LRRC7: variants seen among roughly 807,000 people sequenced by gnomAD.
The protein encoded by LRRC7 is leucine-rich repeat-containing protein 7.
A neutral mutation model predicts 175.7 loss-of-function variants in LRRC7; 23 were observed. The ratio of observed to expected loss-of-function variants is 0.13; its 90% CI spans 0.09 to 0.19. The LOEUF is 0.19. Ranked by LOEUF, LRRC7 falls within the 10% of genes least tolerant of loss-of-function variation. The probability of loss-of-function intolerance (pLI) is 1.00; values close to 1 mark genes in which losing one functional copy is unlikely to be tolerated. For synonymous variants in LRRC7, 685 were observed against 680.9 expected (o/e 1.01, Z -0.09); for missense variants, 1,354 against 1,904.7 (o/e 0.71, Z 5.38).
intron 2 of LRRC7, among the ~76,000 whole-genome samples, chr1:69,718,348 C>T (rs1665974110): frequency 6.6e-6 from 1 of 151,552 alleles, no homozygotes; most frequent in Non-Finnish European, 1.5e-5. Flanking sequence ...ATCTTCTTTG[C>T]CAGATTCCAC....
At chr1:69,767,014 G>A (rs532689729) in intron 3 of LRRC7, among the ~76,000 whole-genome samples, 1 of 152,056 alleles carries the variant, frequency 6.6e-6, no homozygotes, top group Admixed American at 6.6e-5. Context: ...TTGAGAAACC[G>A]CCCATATCTA....
At chr1:69,961,248 T>C (rs1651053149) in intron 8 of LRRC7, among the ~76,000 whole-genome samples, 1 of 151,938 alleles carries the variant, frequency 6.6e-6, no homozygotes, top group Non-Finnish European at 1.5e-5. Flanking sequence ...ATAAAAAGAA[T>C]AAAATACCTA....
intron 7 of LRRC7, among the ~76,000 whole-genome samples, chr1:69,859,626 A>C (rs959256208): frequency 6.6e-6 from 1 of 152,062 alleles, no homozygotes; most frequent in African/African-American, 2.4e-5. Context: ...CATTTCTTTT[A>C]ACAGGTGTTC....
intron 1 of LRRC7, among the ~76,000 whole-genome samples, chr1:69,675,379 T>A (rs1659624398): frequency 6.6e-6 from 1 of 152,166 alleles, no homozygotes; most frequent in Admixed American, 6.5e-5. Context: ...ACTTTTGTTT[T>A]CACATATTTG....
chr1:69,768,800 C>T (rs1671911314), intron 3 of LRRC7, among the ~76,000 whole-genome samples: 1 of 152,142 alleles, frequency 6.6e-6, no homozygotes, highest in African/African-American at 2.4e-5. Flanking sequence ...TAAGCCAGGA[C>T]CTAATACAAC....
intron 7 of LRRC7, among the ~76,000 whole-genome samples, chr1:69,913,433 A>C (rs1424580145): frequency 7.8e-6 from 1 of 128,520 alleles, no homozygotes; most frequent in Non-Finnish European, 1.8e-5. Flanking sequence ...GCCATCAGAC[A>C]CTAGGTATTT....
chr1:69,969,285 A>G (rs1205449708), intron 8 of LRRC7, among the ~76,000 whole-genome samples: 2 of 152,214 alleles, frequency 1.3e-5, no homozygotes, highest in Admixed American at 6.5e-5. Context: ...ACATCTCAAT[A>G]CTAACATTAA....
chr1:69,664,738 C>T (rs1410347205), intron 1 of LRRC7, among the ~76,000 whole-genome samples: 1 of 152,152 alleles, frequency 6.6e-6, no homozygotes, highest in African/African-American at 2.4e-5. Flanking sequence ...CACATATCTT[C>T]TCCAATTCTG....
At chr1:69,848,433 C>CA (rs888631374) in intron 7 of LRRC7, among the ~76,000 whole-genome samples, 1 of 151,746 alleles carries the variant, frequency 6.6e-6, no homozygotes. Flanking sequence ...GGTAGGTGCA[C>CA]AAAAAAATTA....
At chr1:70,074,203 C>CAA (rs571185317) in intron 23 of LRRC7, among the ~76,000 whole-genome samples, 11 of 104,556 alleles carry the variant, frequency 1.1e-4, no homozygotes, top group East Asian at 7.6e-4. Context: ...ACTCCATTGC[C>CAA]AAAAAAAAAA....
At chr1:69,727,519 A>T (rs971131041) in intron 2 of LRRC7, among the ~76,000 whole-genome samples, 1 of 152,094 alleles carries the variant, frequency 6.6e-6, no homozygotes, top group African/African-American at 2.4e-5. Context: ...CTGAGTTGTC[A>T]CTAGTACCAT....
At chr1:70,061,114 G>C (rs1240737624) in intron 23 of LRRC7, among the ~76,000 whole-genome samples, 1 of 151,522 alleles carries the variant, frequency 6.6e-6, no homozygotes, top group East Asian at 1.9e-4. Context: ...ATTAATACCA[G>C]TCTCAATCAT....
At chr1:69,835,631 C>T (rs889829127) in intron 6 of LRRC7, among the ~76,000 whole-genome samples, 2 of 151,924 alleles carry the variant, frequency 1.3e-5, no homozygotes, top group South Asian at 2.1e-4. Flanking sequence ...GCTTTTAAAA[C>T]CTTTGAAAAT....
intron 8 of LRRC7, among the ~76,000 whole-genome samples, chr1:69,952,922 A>T (rs1650090362): frequency 6.7e-6 from 1 of 149,844 alleles, no homozygotes; most frequent in Admixed American, 6.8e-5. Flanking sequence ...ATTGCACTAC[A>T]TTCCAGAGGG....
At position 69,689,508 on chromosome 1, in the gene LRRC7, C is replaced by T. The variant is rs202243344; in HGVS notation, c.100+11030C>T. Among the ~76,000 whole-genome samples the T allele has an allele frequency of 3.2e-3, 491 of 152,230 alleles. 3 individuals are homozygous for T. Among genetic ancestry groups the T allele is most frequent in the Non-Finnish European group, 5.5e-3 (372 of 68,026 alleles). On this transcript the variant is annotated intron_variant, in intron 2 of 26. Coordinates refer to ENST00000651989, the MANE Select transcript of LRRC7 (RefSeq NM_001370785.2). Reference sequence around the variant, plus strand: ...CATATAACATGTATGTATAGTTTCACAAATTATAAGTTAATATTCATGCTG... The same window carrying T: ...CATATAACATGTATGTATAGTTTCATAAATTATAAGTTAATATTCATGCTG...
At chr1:69,699,202 C>G (rs1363284430) in intron 2 of LRRC7, among the ~76,000 whole-genome samples, 2 of 152,160 alleles carry the variant, frequency 1.3e-5, no homozygotes, top group African/African-American at 4.8e-5. Flanking sequence ...TTGCCCATCT[C>G]TGAGAGAAAG....
intron 1 of LRRC7, among the ~76,000 whole-genome samples, chr1:69,569,355 T>A (rs1177946081): frequency 1.3e-5 from 2 of 151,992 alleles, no homozygotes; most frequent in African/African-American, 4.8e-5. Flanking sequence ...ATCTCCTTTG[T>A]GTGGCACGAG....
At chr1:69,587,418 A>G (rs1375636830) in intron 1 of LRRC7, among the ~76,000 whole-genome samples, 2 of 151,528 alleles carry the variant, frequency 1.3e-5, no homozygotes, top group Admixed American at 1.3e-4. Flanking sequence ...CTTCAATCTC[A>G]CCTCTGTGGG....
In LRRC7 at chr1:69,759,057, C is replaced by A. The variant is rs533884210; in HGVS notation, c.101-1134C>A. ...CTTGCCTGATACATGGGGAAATAGC[C>A]CACACAATTAGGAAAACAATATGAT... On this transcript the variant is annotated intron_variant, in intron 2 of 26. Coordinates refer to ENST00000651989, the MANE Select transcript of LRRC7 (RefSeq NM_001370785.2). 2.6e-5 allele frequency among the ~76,000 whole-genome samples: 4 copies of A among 151,730 alleles called. No homozygotes were observed. The South Asian group carries it at 6.2e-4, about 24-fold the overall frequency.
Sources: gnomAD v4.1 joint callset for allele counts (sites outside exome capture counted in the v4.1 genomes callset) on GRCh38, gnomAD v4.1.1 for gene constraint, MANE v1.5 for transcripts, NCBI Gene and HGNC (gene_info 2026-07-23, HGNC 2026-07-21) for gene names.